The following MMP20 variants were observed in gnomAD, a reference collection of about 807,000 sequenced individuals.
MMP20 encodes the protein matrix metallopeptidase 20.
Under a neutral mutation model 51.8 loss-of-function variants are expected in MMP20, and 50 were observed. The ratio of observed to expected loss-of-function variants is 0.97; its 90% CI spans 0.77 to 1.22. The LOEUF is 1.22. Among genes scored for constraint, MMP20 ranks in the 50% most tolerant of loss-of-function variants. The probability of loss-of-function intolerance (pLI) is 0.00; values close to 1 mark genes in which losing one functional copy is unlikely to be tolerated. For missense variants in MMP20, 663 were observed against 601.4 expected (o/e 1.10, Z -1.07); for synonymous variants, 244 against 216.2 (o/e 1.13, Z -1.13).
intron 2 of MMP20, 120 bp downstream of exon 2, chr11:102,616,692 C>T: frequency 7.6e-7 from 1 of 1,321,608 alleles, no homozygotes; most frequent in Non-Finnish European, 1.1e-6. Flanking sequence ...AGTTCTTATT[C>T]TTATGGTTGT....
chr11:102,613,655 G>C (rs1859630898), intron 2 of MMP20, among the ~76,000 whole-genome samples: 1 of 152,118 alleles, frequency 6.6e-6, no homozygotes, highest in African/African-American at 2.4e-5. Context: ...CCAAATGAAA[G>C]GACTGTGCCC....
Position 102,606,520 on chromosome 11 carries a change from G to C in MMP20, c.953+15C>G, listed in dbSNP as rs200012206. 1.2e-6 allele frequency: 2 copies of C among 1,613,722 alleles called. No homozygotes were observed. The highest frequency in any genetic ancestry group is 1.7e-6 in the Non-Finnish European group (2 of 1,179,766). Reference sequence around the variant, plus strand: ...ATGAGGCCCAATGAGAGTCGGTGGCGTGTCTGAGGCTTACCGGTCCTTGAA... The same window carrying C: ...ATGAGGCCCAATGAGAGTCGGTGGCCTGTCTGAGGCTTACCGGTCCTTGAA... On this transcript the variant is annotated intron_variant, in intron 6 of 9. Transcript: ENST00000260228.
chr11:102,587,018 A>C (rs1212879117), intron 8 of MMP20, among the ~76,000 whole-genome samples: 6 of 151,954 alleles, frequency 3.9e-5, no homozygotes. Flanking sequence ...TTGATTTTCC[A>C]TTATCTCAAA....
intron 8 of MMP20, among the ~76,000 whole-genome samples, chr11:102,589,541 T>C (rs1591610659): frequency 6.6e-6 from 1 of 152,328 alleles, no homozygotes; most frequent in South Asian, 2.1e-4. Flanking sequence ...CATTTTTCCC[T>C]TTCAATGCCA....
intron 6 of MMP20, among the ~76,000 whole-genome samples, chr11:102,600,743 C>T (rs1859435700): frequency 6.6e-6 from 1 of 152,138 alleles, no homozygotes; most frequent in Non-Finnish European, 1.5e-5. Flanking sequence ...CGCCGCCTCT[C>T]CCAAAGTGCT....
At position 102,611,803 on chromosome 11, in the gene MMP20, T is replaced by G; in HGVS notation, c.475A>C (p.Arg159=). 6.2e-7 allele frequency: 1 copy of G among 1,614,242 alleles called. No homozygotes were observed. Among genetic ancestry groups the G allele is most frequent in the Non-Finnish European group, 8.5e-7 (1 of 1,180,044 alleles). The stretch of plus-strand genomic sequence containing the variant: ...ATATCCGCTTCTCCTGAGTTTATTC[T>G]GACAAAGCTCAGAGGGACGGCGCTA... ...WSSAVPLSFV[R]INSGEADIMI... Residue 159 remains arginine, a synonymous_variant, in exon 3 of 10, where the codon AGA becomes CGA. Coordinates refer to ENST00000260228, the MANE Select transcript of MMP20 (RefSeq NM_004771.4).
intron 2 of MMP20, among the ~76,000 whole-genome samples, chr11:102,612,238 G>A (rs1370744454): frequency 1.3e-5 from 2 of 152,194 alleles, no homozygotes; most frequent in East Asian, 3.8e-4. Context: ...GCTGAGGTGG[G>A]AGGATCACTT....
At chr11:102,614,711 G>A (rs1167026733) in intron 2 of MMP20, among the ~76,000 whole-genome samples, 2 of 152,026 alleles carry the variant, frequency 1.3e-5, no homozygotes, top group African/African-American at 4.8e-5. Flanking sequence ...TGGCCTAGGG[G>A]ATTCATGACT....
intron 6 of MMP20, among the ~76,000 whole-genome samples, chr11:102,597,824 A>G (rs1301144294): frequency 6.6e-6 from 1 of 151,936 alleles, no homozygotes; most frequent in Non-Finnish European, 1.5e-5. Context: ...CTGGAGTGCA[A>G]TGGCGTGATC....
intron 8 of MMP20, among the ~76,000 whole-genome samples, chr11:102,584,287 A>T (rs1273625633): frequency 6.6e-6 from 1 of 152,044 alleles, no homozygotes; most frequent in East Asian, 1.9e-4. Context: ...TCTCACCAAC[A>T]CTTATTATTA....
At chr11:102,603,869 T>C (rs1421508589) in intron 6 of MMP20, among the ~76,000 whole-genome samples, 1 of 152,188 alleles carries the variant, frequency 6.6e-6, no homozygotes, top group Non-Finnish European at 1.5e-5. Flanking sequence ...CCTCTGCTGA[T>C]TTTTCATTTC....
At chr11:102,580,224 A>G (rs182976491) in intron 8 of MMP20, among the ~76,000 whole-genome samples, 1 of 152,236 alleles carries the variant, frequency 6.6e-6, no homozygotes. Context: ...ACTCATTGTT[A>G]AAAAAGACTG....
At chr11:102,619,651 G>T (rs61230662) in intron 1 of MMP20, among the ~76,000 whole-genome samples, 1,534 of 152,236 alleles carry the variant, frequency 0.01, 36 homozygotes, top group African/African-American at 0.034. Flanking sequence ...TGCTTTGGTT[G>T]TCTCACACTA....
At chr11:102,588,431 T>C (rs187892180) in intron 8 of MMP20, among the ~76,000 whole-genome samples, 1 of 152,310 alleles carries the variant, frequency 6.6e-6, no homozygotes, top group Admixed American at 6.5e-5. Flanking sequence ...TTTCTGGTTC[T>C]GTTCTTTTGT....
chr11:102,596,913 C>T (rs1009899396), intron 6 of MMP20, among the ~76,000 whole-genome samples: 2 of 152,186 alleles, frequency 1.3e-5, no homozygotes, highest in African/African-American at 4.8e-5. Context: ...TTTGGGTATC[C>T]AGAATCCCGC....
chr11:102,601,951 CTTTT>C (rs11367730), intron 6 of MMP20, among the ~76,000 whole-genome samples: 7 of 122,880 alleles, frequency 5.7e-5, no homozygotes, highest in Non-Finnish European at 1.0e-4. Context: ...TTCTTTCTTT[CTTTT>C]TTTTTTTTTT....
intron 6 of MMP20, among the ~76,000 whole-genome samples, chr11:102,605,989 G>C (rs1258562705): frequency 6.6e-6 from 1 of 152,140 alleles, no homozygotes; most frequent in Non-Finnish European, 1.5e-5. Context: ...TGCTGGCCTT[G>C]GAATTATCTA....
intron 7 of MMP20, 127 bp downstream of exon 7, chr11:102,594,494 C>A: frequency 2.4e-6 from 3 of 1,260,802 alleles, no homozygotes; most frequent in South Asian, 2.6e-5. Context: ...TCATACCCAA[C>A]CTGAGGACAA....
intron 5 of MMP20, chr11:102,607,643 G>A (rs1431900476): frequency 6.6e-6 from 1 of 152,220 alleles, no homozygotes; most frequent in Non-Finnish European, 1.5e-5. Flanking sequence ...GATCGGGTGG[G>A]TGATATGAAT....
Sources: gnomAD v4.1 joint callset for allele counts (sites outside exome capture counted in the v4.1 genomes callset) on GRCh38, gnomAD v4.1.1 for gene constraint, MANE v1.5 for transcripts, NCBI Gene and HGNC (gene_info 2026-07-23, HGNC 2026-07-21) for gene names.